PDE11A: variants seen among roughly 807,000 people sequenced by gnomAD.
PDE11A encodes dual 3',5'-cyclic-AMP and -GMP phosphodiesterase 11A.
In PDE11A, 100 loss-of-function variants were observed where a neutral mutation model predicts 100.5. That is an observed-to-expected ratio of 1.00 (90% CI 0.85 to 1.18). PDE11A has a LOEUF of 1.18. Among genes scored for constraint, PDE11A ranks in the 50% most tolerant of loss-of-function variants. The probability of loss-of-function intolerance (pLI) is 0.00; values close to 1 mark genes in which losing one functional copy is unlikely to be tolerated. For synonymous variants in PDE11A, 381 were observed against 420.8 expected (o/e 0.91, Z 1.16); for missense variants, 1,141 against 1,152.6 (o/e 0.99, Z 0.15).
At chr2:177,648,043 T>TC (rs764959277) in intron 19 of PDE11A, among the ~76,000 whole-genome samples, 2 of 152,110 alleles carry the variant, frequency 1.3e-5, no homozygotes, top group Non-Finnish European at 2.9e-5. Context: ...ACTCAGGAGT[T>TC]CAAGGTCACA....
At chr2:177,660,820 C>T (rs1040616111) in intron 19 of PDE11A, among the ~76,000 whole-genome samples, 3 of 152,216 alleles carry the variant, frequency 2.0e-5, no homozygotes, top group Admixed American at 2.0e-4. Context: ...ACAAGCACAA[C>T]CCTTTTAAAA....
chr2:178,085,096 G>A (rs2087332734), intron 2 of PDE11A, among the ~76,000 whole-genome samples: 1 of 152,180 alleles, frequency 6.6e-6, no homozygotes, highest in South Asian at 2.1e-4. Flanking sequence ...TATATGCCAT[G>A]TGAATGAGAA....
chr2:177,814,731 A>C (rs920951642), intron 9 of PDE11A, among the ~76,000 whole-genome samples: 1 of 152,216 alleles, frequency 6.6e-6, no homozygotes, highest in African/African-American at 2.4e-5. Context: ...TACATAAACA[A>C]GAGGTGTTCA....
At chr2:178,041,445 T>C (rs779832053) in intron 1 of PDE11A, among the ~76,000 whole-genome samples, 1 of 151,460 alleles carries the variant, frequency 6.6e-6, no homozygotes, top group East Asian at 2.0e-4. Flanking sequence ...GGTTTAACCA[T>C]AGTGGTCAGG....
chr2:178,066,931 T>G (rs2087054364), intron 1 of PDE11A, among the ~76,000 whole-genome samples: 1 of 152,208 alleles, frequency 6.6e-6, no homozygotes, highest in African/African-American at 2.4e-5. Flanking sequence ...GCCAGAGTCC[T>G]GCTTTACCAT....
At chr2:177,668,036 G>A (rs1174880980) in intron 18 of PDE11A, among the ~76,000 whole-genome samples, 1 of 152,200 alleles carries the variant, frequency 6.6e-6, no homozygotes, top group African/African-American at 2.4e-5. Flanking sequence ...ACATCAGCCA[G>A]GCCTCCCCTG....
chr2:177,912,164 C>T (rs1229513820), intron 2 of PDE11A, among the ~76,000 whole-genome samples: 1 of 152,096 alleles, frequency 6.6e-6, no homozygotes, highest in Admixed American at 6.6e-5. Flanking sequence ...CATCCTAAAG[C>T]GTGAATCTTT....
At chr2:178,084,080 T>C (rs1234996642) in intron 2 of PDE11A, among the ~76,000 whole-genome samples, 1 of 152,192 alleles carries the variant, frequency 6.6e-6, no homozygotes, top group Non-Finnish European at 1.5e-5. Flanking sequence ...TTCTACAAGA[T>C]CCATCAGAAA....
chr2:177,894,099 G>A (rs1024225985), intron 4 of PDE11A, among the ~76,000 whole-genome samples: 1 of 152,126 alleles, frequency 6.6e-6, no homozygotes. Context: ...GTTTATCCTG[G>A]CTTCTTCTCC....
intron 1 of PDE11A, among the ~76,000 whole-genome samples, chr2:178,031,264 A>C (rs1220871190): frequency 2.0e-5 from 3 of 152,208 alleles, no homozygotes; most frequent in African/African-American, 7.2e-5. Flanking sequence ...ATTCTCTATA[A>C]GCTCAGTTTC....
At chr2:177,742,039 G>GAA (rs71410757) in intron 10 of PDE11A, among the ~76,000 whole-genome samples, 2,975 of 138,154 alleles carry the variant, frequency 0.022, 38 homozygotes, top group African/African-American at 0.029. Flanking sequence ...TGTCTCTTAA[G>GAA]AAAAAAAAAA....
At chr2:178,036,062 T>C (rs1334670981) in intron 1 of PDE11A, among the ~76,000 whole-genome samples, 3 of 152,166 alleles carry the variant, frequency 2.0e-5, no homozygotes, top group African/African-American at 4.8e-5. Flanking sequence ...GGTATTCAAA[T>C]AGAAAGAGAG....
At chr2:177,665,987 T>C (rs1288715505) in intron 18 of PDE11A, among the ~76,000 whole-genome samples, 2 of 152,228 alleles carry the variant, frequency 1.3e-5, no homozygotes, top group African/African-American at 4.8e-5. Context: ...TGGTTTTTAG[T>C]ATATTTACAA....
intron 14 of PDE11A, chr2:177,698,462 T>A (rs1293192724): frequency 6.6e-6 from 1 of 152,178 alleles, no homozygotes; most frequent in Non-Finnish European, 1.5e-5. Context: ...CTCATGAGCA[T>A]CTGGCCTGGG....
chr2:177,931,474 A>C (rs1051946879), intron 2 of PDE11A, among the ~76,000 whole-genome samples: 2 of 152,218 alleles, frequency 1.3e-5, no homozygotes, highest in African/African-American at 2.4e-5. Flanking sequence ...TGGAATAAAA[A>C]TAGAAATCAA....
At chr2:177,942,408 T>TATTA (rs1553492177) in intron 2 of PDE11A, among the ~76,000 whole-genome samples, 1 of 81,108 alleles carries the variant, frequency 1.2e-5, no homozygotes, top group Non-Finnish European at 2.8e-5. Flanking sequence ...TTAAAATTAT[T>TATTA]TTTTTTTTTT....
At chr2:177,845,448 A>C (rs1180551204) in intron 5 of PDE11A, among the ~76,000 whole-genome samples, 1 of 146,534 alleles carries the variant, frequency 6.8e-6, no homozygotes, top group African/African-American at 2.6e-5. Flanking sequence ...CCGGGCAGAG[A>C]CGCTCCTCAC....
At chr2:177,708,459 A>G (rs1448916257) in intron 13 of PDE11A, among the ~76,000 whole-genome samples, 1 of 152,200 alleles carries the variant, frequency 6.6e-6, no homozygotes, top group East Asian at 1.9e-4. Flanking sequence ...AAAGAAGAAA[A>G]CAATAGATAC....
chr2:177,824,759 A>G (rs1038694830), intron 6 of PDE11A, among the ~76,000 whole-genome samples: 4 of 152,326 alleles, frequency 2.6e-5, no homozygotes, highest in Non-Finnish European at 5.9e-5. Flanking sequence ...ACATTCACAT[A>G]ACAGAATATT....
Sources: allele counts gnomAD v4.1 joint callset (sites outside exome capture counted in the v4.1 genomes callset), GRCh38; gene constraint gnomAD v4.1.1; transcripts MANE v1.5; gene names NCBI Gene and HGNC (gene_info 2026-07-23, HGNC 2026-07-21).